The following HDAC9 variants were observed in gnomAD, a reference collection of about 807,000 sequenced individuals.
The protein encoded by HDAC9 is MEF-2 interacting transcription repressor (MITR) protein.
HDAC9 carries 41 observed loss-of-function variants against 139.4 expected under a neutral mutation model. That is an observed-to-expected ratio of 0.29 (90% CI 0.23 to 0.38). HDAC9 has a LOEUF of 0.38. Ranked by LOEUF, HDAC9 falls within the 10% of genes least tolerant of loss-of-function variation. The pLI is 1.00. For missense variants in HDAC9, 1,147 were observed against 1,297.0 expected (o/e 0.88, Z 1.78); for synonymous variants, 517 against 476.2 (o/e 1.09, Z -1.12).
chr7:18,520,730 C>T (rs1159767931), intron 2 of HDAC9, among the ~76,000 whole-genome samples: 3 of 152,140 alleles, frequency 2.0e-5, no homozygotes, highest in African/African-American at 4.8e-5. Flanking sequence ...TTACCTGACA[C>T]CCAGAGAGTA....
rs145380419 is a variant in HDAC9 at position 18,621,897 on chromosome 7, T to C, written c.665-7453T>C. Among the ~76,000 whole-genome samples the C allele has an allele frequency of 2.1e-3, 313 of 152,344 alleles. 3 individuals carry two copies. Among genetic ancestry groups the C allele is most frequent in the African/African-American group, 7.3e-3 (304 of 41,576 alleles). ...TGGAGGATCTACTGTGTTCCCAAAG[T>C]GTCTTTCATAACTGTAGTGATTACT... is the stretch of plus-strand genomic sequence containing the variant. On this transcript the variant is annotated intron_variant, in intron 6 of 25. Transcript: ENST00000686413.
chr7:18,926,489 A>G (rs562012821), intron 22 of HDAC9, among the ~76,000 whole-genome samples: 1 of 152,324 alleles, frequency 6.6e-6, no homozygotes, highest in Non-Finnish European at 1.5e-5. Flanking sequence ...AATTTTATTT[A>G]TAGGTAATAT....
chr7:18,722,397 T>C (rs975914971), intron 12 of HDAC9, among the ~76,000 whole-genome samples: 2 of 152,222 alleles, frequency 1.3e-5, no homozygotes, highest in African/African-American at 4.8e-5. Context: ...ATTTATCTAA[T>C]TTTTATTAAC....
intron 1 of HDAC9, among the ~76,000 whole-genome samples, chr7:18,304,941 T>TA (rs1798812356): frequency 1.4e-5 from 2 of 144,984 alleles, no homozygotes; most frequent in African/African-American, 5.1e-5. Context: ...GAATCCTTCC[T>TA]AACACATCCA....
chr7:18,446,515 A>G (rs1255299151), intron 1 of HDAC9, among the ~76,000 whole-genome samples: 1 of 152,192 alleles, frequency 6.6e-6, no homozygotes, highest in East Asian at 1.9e-4. Context: ...CAAATATATT[A>G]GGTTTTTTAA....
intron 12 of HDAC9, among the ~76,000 whole-genome samples, chr7:18,712,065 G>C (rs1311085376): frequency 6.6e-6 from 1 of 151,978 alleles, no homozygotes; most frequent in Admixed American, 6.6e-5. Context: ...AAACCCCTTA[G>C]TAGTGCACTG....
At position 18,452,197 on chromosome 7, in the gene HDAC9, T is replaced by C. The variant is rs78080419; in HGVS notation, c.-41-44065T>C. Among the ~76,000 whole-genome samples the C allele has an allele frequency of 0.02, 2,998 of 152,180 alleles. 160 individuals are homozygous for C. The East Asian group carries it at 0.2, about 10-fold the overall frequency. On this transcript the variant is annotated intron_variant, in intron 1 of 3. Transcript: ENST00000413509. ...ACCTGAATCCTAGGCTGAACTGTGGTAGCCACACACTCCCTGAGCCTCATG... is the reference window on the plus strand; with the variant it reads ...ACCTGAATCCTAGGCTGAACTGTGGCAGCCACACACTCCCTGAGCCTCATG...
intron 2 of HDAC9, among the ~76,000 whole-genome samples, chr7:18,549,803 C>T (rs1816500147): frequency 6.6e-6 from 1 of 151,660 alleles, no homozygotes; most frequent in African/African-American, 2.4e-5. Flanking sequence ...CCCACACATA[C>T]ACACAGTTTC....
At chr7:18,118,979 G>A (rs1784194816) in intron 1 of HDAC9, among the ~76,000 whole-genome samples, 1 of 152,158 alleles carries the variant, frequency 6.6e-6, no homozygotes, top group Non-Finnish European at 1.5e-5. Context: ...GGATATCAGA[G>A]TTGAACCTGG....
intron 5 of HDAC9, among the ~76,000 whole-genome samples, chr7:18,593,617 A>G (rs755472902): frequency 5.9e-5 from 9 of 152,152 alleles, no homozygotes; most frequent in Admixed American, 2.6e-4. Flanking sequence ...GAACATAGGC[A>G]GTAATCTCAA....
At chr7:18,847,347 T>A (rs1796978072) in intron 21 of HDAC9, among the ~76,000 whole-genome samples, 1 of 152,224 alleles carries the variant, frequency 6.6e-6, no homozygotes, top group Non-Finnish European at 1.5e-5. Flanking sequence ...TGCCTTTTTT[T>A]CTTTTTCCTT....
intron 2 of HDAC9, among the ~76,000 whole-genome samples, chr7:18,232,989 T>C (rs1793567788): frequency 6.6e-6 from 1 of 152,140 alleles, no homozygotes; most frequent in Admixed American, 6.6e-5. Flanking sequence ...TCTAGGAGAC[T>C]CAATTAAACT....
chr7:18,172,004 G>A (rs1291442697), intron 2 of HDAC9, among the ~76,000 whole-genome samples: 2 of 152,298 alleles, frequency 1.3e-5, no homozygotes, highest in East Asian at 1.9e-4. Flanking sequence ...GATGGGAATA[G>A]TTTCAGAAGG....
intron 2 of HDAC9, among the ~76,000 whole-genome samples, chr7:18,518,513 A>C (rs1394817424): frequency 6.6e-6 from 1 of 152,236 alleles, no homozygotes; most frequent in African/African-American, 2.4e-5. Flanking sequence ...GCCCAAGACT[A>C]AAAGGCATAG....
At chr7:18,484,266 G>T (rs1795805276) in intron 1 of HDAC9, among the ~76,000 whole-genome samples, 1 of 151,412 alleles carries the variant, frequency 6.6e-6, no homozygotes, top group South Asian at 2.1e-4. Context: ...AGCCCAGGAG[G>T]TTGAGTTTGC....
chr7:18,523,555 T>C lies in HDAC9; in HGVS notation c.22+27231T>C, dbSNP rs62446983. On this transcript the variant is annotated intron_variant, in intron 2 of 25. Coordinates refer to ENST00000686413, the MANE Select transcript of HDAC9 (RefSeq NM_178425.4). Reference sequence around the variant, plus strand: ...GACATTATCTTCGTGCCAAAATAGATGACAGAGCAAAACAACCTTATATAT... The same window carrying C: ...GACATTATCTTCGTGCCAAAATAGACGACAGAGCAAAACAACCTTATATAT... Among the ~76,000 whole-genome samples, 927 of 152,308 alleles carry C rather than the reference T, an allele frequency of 6.1e-3. 7 individuals are homozygous for C. Among genetic ancestry groups the C allele is most frequent in the Non-Finnish European group, 9.1e-3 (620 of 68,022 alleles).
intron 1 of HDAC9, among the ~76,000 whole-genome samples, chr7:18,362,202 T>A (rs1287905638): frequency 6.6e-6 from 1 of 152,212 alleles, no homozygotes; most frequent in Non-Finnish European, 1.5e-5. Context: ...CTTTCCGCAT[T>A]TATTCCAGTC....
At chr7:18,681,781 A>T (rs1046264259) in intron 12 of HDAC9, among the ~76,000 whole-genome samples, 3 of 152,038 alleles carry the variant, frequency 2.0e-5, no homozygotes, top group African/African-American at 7.2e-5. Context: ...CATCCATTCC[A>T]TATGAGCTAC....
At chr7:18,948,194 A>G (rs902914179) in intron 23 of HDAC9, among the ~76,000 whole-genome samples, 8 of 152,022 alleles carry the variant, frequency 5.3e-5, no homozygotes, top group Admixed American at 1.3e-4. Context: ...TCATTTCAGC[A>G]TTGTTCAGGG....
Sources: gnomAD v4.1 joint callset for allele counts (sites outside exome capture counted in the v4.1 genomes callset) on GRCh38, gnomAD v4.1.1 for gene constraint, MANE v1.5 for transcripts, NCBI Gene and HGNC (gene_info 2026-07-23, HGNC 2026-07-21) for gene names.